The following FBH1 variants were observed in gnomAD, a reference collection of about 807,000 sequenced individuals.
The protein encoded by FBH1 is F-box DNA helicase 1.
FBH1 carries 43 observed loss-of-function variants against 115.5 expected under a neutral mutation model. That is an observed-to-expected ratio of 0.37 (90% CI 0.29 to 0.48). The LOEUF is 0.48. FBH1 is among the 20% of genes least tolerant of loss of function. The pLI, the probability that FBH1 is intolerant of heterozygous loss-of-function variation, is 0.99. For missense variants in FBH1, 1,001 were observed against 1,337.3 expected (o/e 0.75, Z 3.92); for synonymous variants, 524 against 507.8 (o/e 1.03, Z -0.43).
At chr10:5,893,706 C>T (rs1400528944) in intron 1 of FBH1, among the ~76,000 whole-genome samples, 1 of 152,086 alleles carries the variant, frequency 6.6e-6, no homozygotes, top group African/African-American at 2.4e-5. Context: ...ATTACTTTAT[C>T]TTTAGTAACT....
intron 1 of FBH1, among the ~76,000 whole-genome samples, chr10:5,893,487 C>T (rs1160409036): frequency 6.6e-6 from 1 of 152,146 alleles, no homozygotes; most frequent in African/African-American, 2.4e-5. Flanking sequence ...ATCAGGGAAC[C>T]TCTTGTTTTG....
At chr10:5,929,482 C>T in intron 19 of FBH1, 1 of 152,222 alleles carries the variant, frequency 6.6e-6, no homozygotes, top group East Asian at 1.9e-4. Context: ...AGTGCAACAG[C>T]TTAAGCGTCA....
intron 13 of FBH1, among the ~76,000 whole-genome samples, chr10:5,920,625 A>G (rs1204618135): frequency 1.3e-5 from 2 of 152,352 alleles, no homozygotes; most frequent in Admixed American, 6.5e-5. Context: ...TTATAGCAAC[A>G]AAGTAGTGTT....
chr10:5,922,241 A>G (rs1273313716), intron 15 of FBH1, among the ~76,000 whole-genome samples: 1 of 152,260 alleles, frequency 6.6e-6, no homozygotes, highest in Middle Eastern at 3.2e-3. Flanking sequence ...CTATATAACA[A>G]TGGTATAGAA....
At position 5,895,229 on chromosome 10, in the gene FBH1, T is replaced by C; in HGVS notation, c.1+4883T>C. The C allele has an allele frequency of 6.3e-7, 1 of 1,579,148 alleles. No individual in the cohort carries two copies. Among genetic ancestry groups the C allele is most frequent in the Non-Finnish European group, 8.6e-7 (1 of 1,158,352 alleles). On this transcript the variant is annotated intron_variant, in intron 1 of 20. Coordinates refer to ENST00000362091, the MANE Select transcript of FBH1 (RefSeq NM_178150.3). The surrounding 1 kb of genome is among the most constrained non-coding windows in gnomAD (Gnocchi z 5.0). ...AAACTGACCAGGGCGGTTAGCTGACTCCAAAATTGTCCAGATTAGCAAAAC... is the reference window on the plus strand; with the variant it reads ...AAACTGACCAGGGCGGTTAGCTGACCCCAAAATTGTCCAGATTAGCAAAAC...
At position 5,911,348 on chromosome 10, in the gene FBH1, G is replaced by A. The variant is rs892227437; in HGVS notation, c.1211+220G>A. The stretch of plus-strand genomic sequence containing the variant: ...TGAACGTGCAGTTCTGAGCGGCTGC[G>A]AGATACCACTAAGGCTGATTTTACC... On this transcript the variant is annotated intron_variant, in intron 6 of 20. Coordinates refer to ENST00000362091, the MANE Select transcript of FBH1 (RefSeq NM_178150.3). This position sits in a 1 kb window ranked among gnomAD's most constrained non-coding sequence, Gnocchi z 5.4. Among the ~76,000 whole-genome samples, 8 of 152,222 alleles carry A rather than the reference G, an allele frequency of 5.3e-5. No individual in the cohort carries two copies. The highest frequency in any genetic ancestry group is 1.7e-4 in the African/African-American group (7 of 41,450).
intron 19 of FBH1, chr10:5,934,385 T>G (rs1833186066): frequency 6.6e-6 from 1 of 150,494 alleles, no homozygotes; most frequent in African/African-American, 2.5e-5. Context: ...TGTTTTTTTT[T>G]TTTTTTGAGA....
At position 5,900,454 on chromosome 10, in the gene FBH1, C is replaced by T. The variant is rs150688957; in HGVS notation, c.2-2566C>T. Among the ~76,000 whole-genome samples the T allele has an allele frequency of 1.3e-5, 2 of 152,344 alleles. No homozygotes were observed. The highest frequency in any genetic ancestry group is 1.9e-4 in the East Asian group (1 of 5,180). ...CCCAGCCCTCCCGCCAGGCCCTCGC[C>T]GGCTCACCACGCTGCGCTGTGCTGC... On this transcript the variant is annotated intron_variant, in intron 1 of 20. Coordinates refer to ENST00000362091, the MANE Select transcript of FBH1 (RefSeq NM_178150.3). The surrounding 1 kb of genome is among the most constrained non-coding windows in gnomAD (Gnocchi z 4.2).
In FBH1 at chr10:5,911,543, T is replaced by A. The variant is rs1483914818; in HGVS notation, c.1211+415T>A. 6.6e-6 allele frequency among the ~76,000 whole-genome samples: 1 copy of A among 152,182 alleles called. No individual in the cohort carries two copies. The highest frequency in any genetic ancestry group is 1.5e-5 in the Non-Finnish European group (1 of 68,026). On this transcript the variant is annotated intron_variant, in intron 6 of 20. Transcript: ENST00000362091. This position sits in a 1 kb window ranked among gnomAD's most constrained non-coding sequence, Gnocchi z 5.4. ...CCTCCATGCGGGAGAGGCTATGGCG[T>A]GTCGGCTGCTGATTCACAGGGGCCC...
At chr10:5,893,683 A>T (rs1842860023) in intron 1 of FBH1, among the ~76,000 whole-genome samples, 1 of 152,134 alleles carries the variant, frequency 6.6e-6, no homozygotes, top group Non-Finnish European at 1.5e-5. Context: ...GCATGCATTT[A>T]TGTAGTTGTT....
intron 2 of FBH1, 107 bp from the exon 3 acceptor site, chr10:5,905,930 C>G (rs1394059122): frequency 1.3e-6 from 1 of 748,800 alleles, no homozygotes; most frequent in Non-Finnish European, 2.2e-6. Flanking sequence ...TTATCTCTTT[C>G]CACTATTAAC....
chr10:5,927,115 G>A lies in FBH1; in HGVS notation c.2723-320G>A, dbSNP rs190807740. Among the ~76,000 whole-genome samples, 453 of 152,278 alleles carry A rather than the reference G, an allele frequency of 3.0e-3. 2 individuals are homozygous for A. The highest frequency in any genetic ancestry group is 9.9e-3 in the African/African-American group (412 of 41,556). On this transcript the variant is annotated intron_variant, in intron 18 of 20. Coordinates refer to ENST00000362091, the MANE Select transcript of FBH1 (RefSeq NM_178150.3). ...GCCTCGGTTTCCCCGTCTGTCTCAC[G>A]GGCTTGTTGTGGGAACTGGCATAAT...
At chr10:5,902,887 G>A (rs1193273950) in intron 1 of FBH1, 133 bp from the exon 2 acceptor site, 19 of 707,702 alleles carry the variant, frequency 2.7e-5, no homozygotes, top group Non-Finnish European at 3.9e-5. Context: ...CAAGGGGAGG[G>A]GGGAACGGTT....
chr10:5,915,338 T>A lies in FBH1; in HGVS notation c.1397-65T>A. ...TGTGATAAGCCTGGACAAGGCCTGA[T>A]TGGGGATCCCTGGGCATGTCTTGTC... is the stretch of plus-strand genomic sequence containing the variant. On this transcript the variant is annotated intron_variant, in intron 8 of 20. Transcript: ENST00000362091. The surrounding 1 kb of genome is among the most constrained non-coding windows in gnomAD (Gnocchi z 5.2). 1 of 1,554,068 alleles carries A rather than the reference T, an allele frequency of 6.4e-7. No homozygotes were observed. The highest frequency in any genetic ancestry group is 1.2e-5 in the South Asian group (1 of 86,074).
In FBH1 at chr10:5,921,504, A is replaced by G; in HGVS notation, c.2257A>G (p.Asn753Asp). The change falls in exon 15 of 21, where the codon AAC becomes GAC. Residue 753 changes from asparagine to aspartate, a missense_variant. By Grantham distance (23) the Asn-to-Asp change is conservative. Coordinates refer to ENST00000362091, the MANE Select transcript of FBH1 (RefSeq NM_178150.3). This position sits in a 1 kb window ranked among gnomAD's most constrained non-coding sequence, Gnocchi z 6.4. The stretch of plus-strand genomic sequence containing the variant: ...GGCCTTGTTGTCCCGGACCAACGCC[A>G]ACGTGTTTGATGAGGCCGTACGGGT... ...QVALLSRTNA[N>D]VFDEAVRVTE... The G allele has an allele frequency of 6.2e-7, 1 of 1,601,178 alleles. No individual in the cohort carries two copies. The highest frequency in any genetic ancestry group is 8.5e-7 in the Non-Finnish European group (1 of 1,176,916).
Position 5,909,122 on chromosome 10 carries a change from CA to C in FBH1, c.885-36del. 1 of 1,613,286 alleles carries C rather than the reference CA, an allele frequency of 6.2e-7. No individual in the cohort carries two copies. Among genetic ancestry groups the C allele is most frequent in the East Asian group, 2.2e-5 (1 of 44,862 alleles). Reference sequence around the variant, plus strand: ...TTCCTTGTACATCAGTGCTTATGGTCACCCTACTCATGGCCTCTCCTGTGAA... The same window carrying C: ...TTCCTTGTACATCAGTGCTTATGGTCCCCTACTCATGGCCTCTCCTGTGAA... On this transcript the variant is annotated intron_variant, in intron 4 of 20. Coordinates refer to ENST00000362091, the MANE Select transcript of FBH1 (RefSeq NM_178150.3). The surrounding 1 kb of genome is among the most constrained non-coding windows in gnomAD (Gnocchi z 4.4).
At position 5,936,917 on chromosome 10, in the gene FBH1, TTTGGGGGTGTTGAGGCCACCTAG is replaced by T. The variant is rs1317398461; in HGVS notation, c.2962-188_2962-166del. On this transcript the variant is annotated intron_variant, in intron 20 of 20. Coordinates refer to ENST00000362091, the MANE Select transcript of FBH1 (RefSeq NM_178150.3). This position sits in a 1 kb window ranked among gnomAD's most constrained non-coding sequence, Gnocchi z 5.6. ...AATGACTGTTTCTGAGCTCAGGGAA[TTTGGGGGTGTTGAGGCCACCTAG>T]TTGGTGGTGCTGTGGGAGGTGTTAC... The T allele has an allele frequency of 1.6e-6, 1 of 634,478 alleles. No individual in the cohort carries two copies. Among genetic ancestry groups the T allele is most frequent in the Non-Finnish European group, 2.7e-6 (1 of 370,024 alleles). 39.3% of individuals were successfully genotyped at this position (634,478 alleles called of 1,614,324 possible). A position where few individuals can be genotyped will look rare whatever the true frequency, so the allele number is the denominator to read the frequency against.
Position 5,936,201 on chromosome 10 carries a change from A to T in FBH1, c.2830-255A>T. 3.9e-6 allele frequency: 1 copy of T among 256,268 alleles called. No individual in the cohort carries two copies. The allele number at this position is 256,268 out of a possible 1,614,324, so 15.9% of individuals were successfully genotyped here. A position where few individuals can be genotyped will look rare whatever the true frequency, so the allele number is the denominator to read the frequency against. On this transcript the variant is annotated intron_variant, in intron 19 of 20. Coordinates refer to ENST00000362091, the MANE Select transcript of FBH1 (RefSeq NM_178150.3). This position sits in a 1 kb window ranked among gnomAD's most constrained non-coding sequence, Gnocchi z 5.6. ...AGAAATATTCTGGAAATGTCATTAC[A>T]GGCAATAGTTTTGCATGTTTATCTG...
intron 19 of FBH1, among the ~76,000 whole-genome samples, chr10:5,930,752 C>A (rs1252745171): frequency 6.6e-6 from 1 of 152,142 alleles, no homozygotes; most frequent in African/African-American, 2.4e-5. Flanking sequence ...AGTTTTTAAA[C>A]TTTATTTGTT....
Sources: gnomAD v4.1 joint callset for allele counts (sites outside exome capture counted in the v4.1 genomes callset) on GRCh38, gnomAD v4.1.1 for gene constraint, Gnocchi (gnomAD v3.1) non-coding constraint, MANE v1.5 for transcripts, NCBI Gene and HGNC (gene_info 2026-07-23, HGNC 2026-07-21) for gene names.